Variants in DOK6 observed in about 807,000 individuals in gnomAD.
DOK6 encodes docking protein 6.
DOK6 carries 22 observed loss-of-function variants against 44.0 expected under a neutral mutation model. The observed-to-expected ratio is 0.50, with a 90% CI of 0.36 to 0.71. DOK6 has a LOEUF of 0.71. Ranked by LOEUF, DOK6 falls within the 30% of genes least tolerant of loss-of-function variation. DOK6 has a pLI of 0.00. For synonymous variants in DOK6, 166 were observed against 145.5 expected (o/e 1.14, Z -1.01); for missense variants, 340 against 416.4 (o/e 0.82, Z 1.60).
intron 2 of DOK6, among the ~76,000 whole-genome samples, chr18:69,593,017 T>TA (rs958450870): frequency 1.3e-5 from 2 of 152,166 alleles, no homozygotes; most frequent in Non-Finnish European, 2.9e-5. Context: ...GATATTCAAA[T>TA]ACATTAGATC....
At chr18:69,791,125 G>C (rs934165332) in intron 7 of DOK6, among the ~76,000 whole-genome samples, 1 of 151,906 alleles carries the variant, frequency 6.6e-6, no homozygotes, top group African/African-American at 2.4e-5. Flanking sequence ...CTTTTTTATA[G>C]CTGAATATGT....
Position 69,674,211 on chromosome 18 carries a change from T to G in DOK6, c.290-3523T>G, listed in dbSNP as rs575205723. On this transcript the variant is annotated intron_variant, in intron 3 of 7. Transcript: ENST00000382713. Reference sequence around the variant, plus strand: ...GTTGTAATATTTGAAAGGTGGTGACTGTCAAAAACAGATTTATAAAACCAA... The same window carrying G: ...GTTGTAATATTTGAAAGGTGGTGACGGTCAAAAACAGATTTATAAAACCAA... Among the ~76,000 whole-genome samples the G allele has an allele frequency of 7.2e-5, 11 of 152,348 alleles. No individual in the cohort carries two copies. In the East Asian group the frequency reaches 1.2e-3, roughly 16 times the overall value.
chr18:69,449,605 C>T (rs1170061172), intron 1 of DOK6, among the ~76,000 whole-genome samples: 11 of 152,200 alleles, frequency 7.2e-5, no homozygotes, highest in Admixed American at 7.2e-4. Context: ...CCTCTGGGGG[C>T]AGGGCACAGA....
rs1428864246 is a variant in DOK6, at chr18:69,848,404, A to G, written c.*7021A>G. On this transcript the variant is annotated 3_prime_UTR_variant, in exon 8 of 8. Coordinates refer to ENST00000382713, the MANE Select transcript of DOK6 (RefSeq NM_152721.6). ...TCTGTTGGAAAATACATGATTTGGC[A>G]TACTTCATTTTTAGTAACAATCTAT... 1 of 152,202 alleles carries G rather than the reference A, an allele frequency of 6.6e-6. No homozygotes were observed. Among genetic ancestry groups the G allele is most frequent in the African/African-American group, 2.4e-5 (1 of 41,448 alleles). The allele number at this position is 152,202 out of a possible 1,614,324, so 9.4% of individuals were successfully genotyped here.
At chr18:69,523,371 T>C (rs1192470838) in intron 1 of DOK6, among the ~76,000 whole-genome samples, 1 of 152,086 alleles carries the variant, frequency 6.6e-6, no homozygotes, top group Non-Finnish European at 1.5e-5. Flanking sequence ...TATTTTAAGT[T>C]TTATGTTCCA....
At chr18:69,434,945 AGGGAGGGAG>A (rs1568256329) in intron 1 of DOK6, among the ~76,000 whole-genome samples, 2 of 94,438 alleles carry the variant, frequency 2.1e-5, no homozygotes, top group African/African-American at 4.1e-5. Context: ...GGAGGGAGGG[AGGGAGGGAG>A]GGAAGGAAGG....
intron 2 of DOK6, among the ~76,000 whole-genome samples, chr18:69,584,107 C>CAAAAA (rs370695841): frequency 3.3e-5 from 3 of 91,300 alleles, no homozygotes; most frequent in African/African-American, 1.1e-4. Context: ...GACTCCGTCT[C>CAAAAA]AAAAAAAAAA....
chr18:69,755,192 A>G (rs969590163), intron 6 of DOK6, among the ~76,000 whole-genome samples: 9 of 152,248 alleles, frequency 5.9e-5, no homozygotes, highest in African/African-American at 2.2e-4. Context: ...AGGGTGATTC[A>G]GAAGCAAATC....
chr18:69,440,473 T>C (rs1568258385), intron 1 of DOK6, among the ~76,000 whole-genome samples: 1 of 152,110 alleles, frequency 6.6e-6, no homozygotes, highest in Non-Finnish European at 1.5e-5. Flanking sequence ...ATGAAACAAG[T>C]TATGTCTGTA....
chr18:69,593,967 A>G (rs1229494778), intron 2 of DOK6, among the ~76,000 whole-genome samples: 1 of 152,190 alleles, frequency 6.6e-6, no homozygotes, highest in Non-Finnish European at 1.5e-5. Context: ...AAAATGGTAT[A>G]TCTTTTCAAA....
At chr18:69,576,583 A>T (rs933726453) in intron 2 of DOK6, among the ~76,000 whole-genome samples, 4 of 152,134 alleles carry the variant, frequency 2.6e-5, no homozygotes, top group Admixed American at 1.3e-4. Context: ...TAGACATTTG[A>T]TATGTTTACT....
At chr18:69,570,610 G>A (rs1188144875) in intron 2 of DOK6, among the ~76,000 whole-genome samples, 1 of 152,122 alleles carries the variant, frequency 6.6e-6, no homozygotes, top group African/African-American at 2.4e-5. Flanking sequence ...GAAGCAGGAT[G>A]TTTGGAAAAA....
rs185146962 is a variant in DOK6, at chr18:69,769,315, C to T, written c.856+11442C>T. On this transcript the variant is annotated intron_variant, in intron 7 of 7. Transcript: ENST00000382713. ...TATTCATCAGGAAAGTTCATTCTTC[C>T]AGATAAACATGGAAAGTTTCCTCTC... Among the ~76,000 whole-genome samples, 189 of 152,022 alleles carry T rather than the reference C, an allele frequency of 1.2e-3. 1 individual carries two copies. The highest frequency in any genetic ancestry group is 4.4e-3 in the African/African-American group (182 of 41,478).
At chr18:69,452,348 C>T (rs1193844693) in intron 1 of DOK6, among the ~76,000 whole-genome samples, 1 of 150,880 alleles carries the variant, frequency 6.6e-6, no homozygotes, top group Non-Finnish European at 1.5e-5. Flanking sequence ...ATACATTCTC[C>T]CAAGACTAAA....
chr18:69,820,232 A>G (rs1981528696), intron 7 of DOK6, among the ~76,000 whole-genome samples: 1 of 152,200 alleles, frequency 6.6e-6, no homozygotes, highest in Non-Finnish European at 1.5e-5. Context: ...CTAGTATCCT[A>G]TACTAATACT....
chr18:69,459,252 T>C (rs1279425555), intron 1 of DOK6, among the ~76,000 whole-genome samples: 3 of 150,582 alleles, frequency 2.0e-5, no homozygotes, highest in Admixed American at 6.6e-5. Context: ...ACGTAATGTA[T>C]TGCATTCCAA....
intron 1 of DOK6, among the ~76,000 whole-genome samples, chr18:69,563,736 G>A: frequency 6.6e-6 from 1 of 151,748 alleles, no homozygotes; most frequent in Admixed American, 6.6e-5. Context: ...CACCAACATG[G>A]CACATGTATA....
At position 69,436,171 on chromosome 18, in the gene DOK6, A is replaced by ATTTT. The variant is rs10657543; in HGVS notation, c.66+34873_66+34876dup. Among the ~76,000 whole-genome samples, 101 of 145,192 alleles carry ATTTT rather than the reference A, an allele frequency of 7.0e-4. 2 individuals carry two copies. The highest frequency in any genetic ancestry group is 2.6e-3 in the East Asian group (13 of 4,950). The stretch of plus-strand genomic sequence containing the variant: ...CTTGATACATATACGAATTATCTGG[A>ATTTT]TTTTTTTTTTTTTTTACTTTAAATT... On this transcript the variant is annotated intron_variant, in intron 1 of 7. Coordinates refer to ENST00000382713, the MANE Select transcript of DOK6 (RefSeq NM_152721.6).
chr18:69,509,637 CA>C (rs1183367298), intron 1 of DOK6, among the ~76,000 whole-genome samples: 668 of 33,968 alleles, frequency 0.02, 1 homozygote, highest in African/African-American at 0.073. Flanking sequence ...GGCTCTGTCT[CA>C]AAAAAAAAAA....
Sources: gnomAD v4.1 joint callset for allele counts (sites outside exome capture counted in the v4.1 genomes callset) on GRCh38, gnomAD v4.1.1 for gene constraint, MANE v1.5 for transcripts, NCBI Gene and HGNC (gene_info 2026-07-23, HGNC 2026-07-21) for gene names.